GPR149: variants seen among roughly 807,000 people sequenced by gnomAD.
The protein encoded by GPR149 is G protein-coupled receptor 149.
GPR149 carries 50 observed loss-of-function variants against 50.2 expected under a neutral mutation model. The ratio of observed to expected loss-of-function variants is 1.00; its 90% CI spans 0.79 to 1.26. GPR149 has a LOEUF of 1.26. Among genes scored for constraint, GPR149 ranks in the 50% most tolerant of loss-of-function variants. The pLI, the probability that GPR149 is intolerant of heterozygous loss-of-function variation, is 0.00. For synonymous variants in GPR149, 405 were observed against 358.2 expected, an observed-to-expected ratio of 1.13 and a Z score of -1.48; for missense variants, 983 against 895.4, an observed-to-expected ratio of 1.10 and a Z score of -1.25.
At chr3:154,403,112 C>T (rs1484482043) in intron 3 of GPR149, among the ~76,000 whole-genome samples, 1 of 152,132 alleles carries the variant, frequency 6.6e-6, no homozygotes, top group Non-Finnish European at 1.5e-5. Context: ...CTGTCTTTGG[C>T]CCTGTCTTGA....
Position 154,416,398 on chromosome 3 carries a change from C to T in GPR149, c.1623+4641G>A, listed in dbSNP as rs920608316. Among the ~76,000 whole-genome samples, 6 of 151,724 alleles carry T rather than the reference C, an allele frequency of 4.0e-5. No individual in the cohort carries two copies. In the East Asian group the frequency reaches 5.8e-4, roughly 15 times the overall value. ...ATTAGGAATGGAGAATCTTGGATCC[C>T]ATCTCATACCTAATCAATCAAAATC... On this transcript the variant is annotated intron_variant, in intron 3 of 3. Transcript: ENST00000389740.
rs537317041 is a variant in GPR149 at position 154,379,846 on chromosome 3, C to T, written c.1623+41193G>A. On this transcript the variant is annotated intron_variant, in intron 3 of 3. Coordinates refer to ENST00000389740, the MANE Select transcript of GPR149 (RefSeq NM_001038705.3). ...TGTCATAATTACTGTGTCTTTATAG[C>T]GAGTTTTGAAGTCAGATAGTGTAAG... Among the ~76,000 whole-genome samples the T allele has an allele frequency of 4.0e-3, 609 of 151,958 alleles. 2 individuals are homozygous for T. The highest frequency in any genetic ancestry group is 6.2e-3 in the Non-Finnish European group (420 of 67,978).
intron 3 of GPR149, among the ~76,000 whole-genome samples, chr3:154,340,361 G>A (rs1316633322): frequency 1.3e-5 from 2 of 152,216 alleles, no homozygotes; most frequent in African/African-American, 4.8e-5. Context: ...AAGTGAGACA[G>A]AGGGACCACA....
intron 2 of GPR149, among the ~76,000 whole-genome samples, chr3:154,427,012 T>C (rs1260128787): frequency 6.6e-6 from 1 of 152,090 alleles, no homozygotes; most frequent in Non-Finnish European, 1.5e-5. Flanking sequence ...GGAAGAATAC[T>C]AGCAGTAAAA....
chr3:154,351,951 G>T (rs1576900987), intron 3 of GPR149, among the ~76,000 whole-genome samples: 1 of 151,774 alleles, frequency 6.6e-6, no homozygotes, highest in Admixed American at 6.6e-5. Context: ...TAATTCAAAG[G>T]TATAACTGAA....
At chr3:154,371,047 A>C (rs1247286580) in intron 3 of GPR149, among the ~76,000 whole-genome samples, 1 of 152,216 alleles carries the variant, frequency 6.6e-6, no homozygotes, top group African/African-American at 2.4e-5. Flanking sequence ...AAGAATGCCC[A>C]TCCAGTCCAA....
intron 3 of GPR149, among the ~76,000 whole-genome samples, chr3:154,394,789 A>C (rs1715252787): frequency 6.6e-6 from 1 of 152,194 alleles, no homozygotes. Flanking sequence ...CAAAGAAGAC[A>C]TACAAATGGC....
chr3:154,382,029 C>A (rs557112397), intron 3 of GPR149, among the ~76,000 whole-genome samples: 1 of 152,068 alleles, frequency 6.6e-6, no homozygotes, highest in Non-Finnish European at 1.5e-5. Flanking sequence ...GGTTAAAAGC[C>A]AGAGAAGATT....
intron 2 of GPR149, among the ~76,000 whole-genome samples, chr3:154,426,537 A>T (rs1712307503): frequency 6.6e-6 from 1 of 152,212 alleles, no homozygotes; most frequent in South Asian, 2.1e-4. Flanking sequence ...TGCAGCATAC[A>T]CTAATGCATT....
chr3:154,411,737 C>T (rs190935776), intron 3 of GPR149, among the ~76,000 whole-genome samples: 11 of 152,108 alleles, frequency 7.2e-5, no homozygotes, highest in African/African-American at 2.4e-4. Flanking sequence ...AGTCCAGGAC[C>T]AGACGAATTC....
chr3:154,394,428 T>G (rs1715243425), intron 3 of GPR149, among the ~76,000 whole-genome samples: 1 of 152,090 alleles, frequency 6.6e-6, no homozygotes, highest in Non-Finnish European at 1.5e-5. Context: ...GTCCTGAAAC[T>G]GTAAAACTAT....
intron 3 of GPR149, among the ~76,000 whole-genome samples, chr3:154,395,752 G>T (rs988735423): frequency 1.3e-5 from 2 of 152,158 alleles, no homozygotes; most frequent in African/African-American, 4.8e-5. Flanking sequence ...CTATGACTGT[G>T]CCACTGTACT....
chr3:154,395,450 G>GTA (rs58944835), intron 3 of GPR149, among the ~76,000 whole-genome samples: 89,402 of 145,566 alleles, frequency 0.61, 27,995 homozygotes, highest in East Asian at 0.79. Context: ...ATATATATAA[G>GTA]TATATATATA....
intron 3 of GPR149, chr3:154,352,842 T>G (rs1714114100): frequency 1.1e-6 from 1 of 922,012 alleles, no homozygotes; most frequent in East Asian, 2.4e-5. Flanking sequence ...CATATCTTAG[T>G]TGACCTCTTT....
intron 3 of GPR149, among the ~76,000 whole-genome samples, chr3:154,342,910 C>T (rs544217685): frequency 2.6e-5 from 4 of 152,264 alleles, no homozygotes; most frequent in Admixed American, 6.5e-5. Context: ...GTCGGTTCCT[C>T]CAAATACCAG....
At chr3:154,371,856 T>G (rs931184540) in intron 3 of GPR149, among the ~76,000 whole-genome samples, 1 of 151,406 alleles carries the variant, frequency 6.6e-6, no homozygotes, top group Non-Finnish European at 1.5e-5. Flanking sequence ...ATCCTACTCG[T>G]TTTTGGGCCT....
At position 154,337,594 on chromosome 3, in the gene GPR149, C is replaced by T; in HGVS notation, c.*105G>A. On this transcript the variant is annotated 3_prime_UTR_variant, in exon 4 of 4. Transcript: ENST00000389740. ...AAAATTAACTATTAAATCAGTAAAA[C>T]TAATGTAAGCCAACAAATAAAAGGA... is the stretch of plus-strand genomic sequence containing the variant. The T allele has an allele frequency of 1.1e-6, 1 of 941,094 alleles. No homozygotes were observed. Among genetic ancestry groups the T allele is most frequent in the South Asian group, 2.0e-5 (1 of 49,400 alleles). 58.3% of individuals were successfully genotyped at this position (941,094 alleles called of 1,614,324 possible). A position where few individuals can be genotyped will look rare whatever the true frequency, so the allele number is the denominator to read the frequency against.
At chr3:154,378,105 A>C (rs1714836215) in intron 3 of GPR149, among the ~76,000 whole-genome samples, 1 of 103,740 alleles carries the variant, frequency 9.6e-6, no homozygotes, top group African/African-American at 3.7e-5. Context: ...TTTTTTTGAG[A>C]TGGAGTCCCC....
intron 3 of GPR149, among the ~76,000 whole-genome samples, chr3:154,409,629 A>G (rs983519647): frequency 1.3e-5 from 2 of 152,026 alleles, no homozygotes; most frequent in African/African-American, 4.8e-5. Flanking sequence ...AGAAGAAAAT[A>G]CTTCAGAGCT....
Sources: allele counts gnomAD v4.1 joint callset (sites outside exome capture counted in the v4.1 genomes callset), GRCh38; gene constraint gnomAD v4.1.1; transcripts MANE v1.5; gene names NCBI Gene and HGNC (gene_info 2026-07-23, HGNC 2026-07-21).